Variants in C11orf65 observed in about 807,000 individuals in gnomAD.
The protein encoded by C11orf65 is protein MFI.
Under a neutral mutation model 35.3 loss-of-function variants are expected in C11orf65, and 38 were observed. The observed-to-expected ratio is 1.08, with a 90% confidence interval of 0.83 to 1.41. The LOEUF is 1.41. Ranked by LOEUF, C11orf65 falls within the 40% of genes most tolerant of loss-of-function variation. The pLI, the probability that C11orf65 is intolerant of heterozygous loss-of-function variation, is 0.00. For missense variants in C11orf65, 370 were observed against 367.1 expected, an observed-to-expected ratio of 1.01 and a Z score of -0.06; for synonymous variants, 105 against 114.4, an observed-to-expected ratio of 0.92 and a Z score of 0.53.
intron 7 of C11orf65, among the ~76,000 whole-genome samples, chr11:108,389,845 C>G (rs1385619790): frequency 6.6e-6 from 1 of 151,824 alleles, no homozygotes; most frequent in Non-Finnish European, 1.5e-5. Context: ...CAGGCACCCA[C>G]CACCACGCCC....
chr11:108,442,343 G>A (rs766868110), intron 2 of C11orf65, among the ~76,000 whole-genome samples: 2 of 152,182 alleles, frequency 1.3e-5, no homozygotes, highest in Non-Finnish European at 1.5e-5. Flanking sequence ...TGAAACTTAC[G>A]TCTGATTGGT....
chr11:108,349,449 G>A (rs1379180326), intron 2 of C11orf65, among the ~76,000 whole-genome samples: 5 of 152,130 alleles, frequency 3.3e-5, no homozygotes, highest in Non-Finnish European at 5.9e-5. Context: ...TGGATCACGA[G>A]GTCAGGAGAT....
rs1428396480 is a variant in C11orf65, at chr11:108,385,837, T to C, written c.787+83A>G. 9.7e-6 allele frequency: 11 copies of C among 1,130,366 alleles called. No homozygotes were observed. The Admixed American group carries it at 1.7e-4, about 17-fold the overall frequency. The allele number at this position is 1,130,366 out of a possible 1,614,324, so 70.0% of individuals were successfully genotyped here. ...TTATATACTATGCAGATTACTGAAA[T>C]GTTAAATGCCTAGAAATACGTGTGT... On this transcript the variant is annotated intron_variant, in intron 8 of 8. Coordinates refer to ENST00000393084, the MANE Select transcript of C11orf65 (RefSeq NM_152587.5).
chr11:108,368,609 ATCTGGGGT>A (rs2091451900), intron 2 of C11orf65: 1 of 218,384 alleles, frequency 4.6e-6, no homozygotes, highest in African/African-American at 2.2e-5. Flanking sequence ...GGCGAAAAGA[ATCTGGGGT>A]TTGCCAGTCA....
At chr11:108,320,591 A>C (rs910351202) in intron 6 of C11orf65, among the ~76,000 whole-genome samples, 1 of 152,228 alleles carries the variant, frequency 6.6e-6, no homozygotes, top group African/African-American at 2.4e-5. Context: ...TGTATTCTCT[A>C]ATCATGACAA....
chr11:108,341,503 T>C (rs1170303100), intron 2 of C11orf65, among the ~76,000 whole-genome samples: 1 of 152,174 alleles, frequency 6.6e-6, no homozygotes, highest in Non-Finnish European at 1.5e-5. Flanking sequence ...CCTAGCCCTG[T>C]GTGTAACATG....
At chr11:108,361,606 A>G (rs1038247859) in intron 2 of C11orf65, among the ~76,000 whole-genome samples, 1 of 151,848 alleles carries the variant, frequency 6.6e-6, no homozygotes, top group Non-Finnish European at 1.5e-5. Flanking sequence ...AGAGATATAG[A>G]TCAATGGAAC....
chr11:108,395,822 C>T (rs1354385199), intron 6 of C11orf65, among the ~76,000 whole-genome samples: 1 of 151,416 alleles, frequency 6.6e-6, no homozygotes, highest in East Asian at 2.0e-4. Context: ...GGGATTTCAC[C>T]GTGTGAGCCC....
chr11:108,381,939 TCTC>T (rs2091873588), downstream of C11orf65, among the ~76,000 whole-genome samples: 2 of 33,716 alleles, frequency 5.9e-5, no homozygotes, highest in Non-Finnish European at 1.6e-4. Context: ...CTCCTTGCTC[TCTC>T]TCTCTCTCTC....
chr11:108,367,623 C>T, intron 2 of C11orf65: 1 of 208,762 alleles, frequency 4.8e-6, no homozygotes, highest in Non-Finnish European at 9.8e-6. Flanking sequence ...CGTATTTGGA[C>T]CTTGAAGGTT....
intron 2 of C11orf65, among the ~76,000 whole-genome samples, chr11:108,453,270 G>C (rs2093374273): frequency 6.8e-6 from 1 of 147,816 alleles, no homozygotes; most frequent in South Asian, 2.2e-4. Flanking sequence ...AGTTAATAGA[G>C]AAGAAAATAA....
intron 5 of C11orf65, among the ~76,000 whole-genome samples, chr11:108,406,503 T>G (rs528518662): frequency 6.6e-6 from 1 of 152,294 alleles, no homozygotes; most frequent in East Asian, 1.9e-4. Flanking sequence ...GTATATAATC[T>G]GCTGAGTACC....
upstream of C11orf65, chr11:108,467,625 A>T (rs2093556655): frequency 6.6e-6 from 1 of 151,948 alleles, no homozygotes; most frequent in Admixed American, 6.6e-5. Flanking sequence ...AGTGCAGGGG[A>T]TATAGACCAA....
chr11:108,403,949 C>G (rs916958021), intron 6 of C11orf65, among the ~76,000 whole-genome samples: 6 of 152,176 alleles, frequency 3.9e-5, no homozygotes, highest in African/African-American at 1.4e-4. Context: ...TATTAAGATT[C>G]TTCTCTGTTG....
chr11:108,382,918 G>C lies in C11orf65; in HGVS notation c.*103C>G, dbSNP rs78172743. On this transcript the variant is annotated 3_prime_UTR_variant, in exon 9 of 9. Transcript: ENST00000393084. ...TTAACTGAGCTAGATTCTGTGCCCA[G>C]AATATATACACAAGTTATTCCAGTC... 1 of 1,563,162 alleles carries C rather than the reference G, an allele frequency of 6.4e-7. No individual in the cohort carries two copies. Among genetic ancestry groups the C allele is most frequent in the Non-Finnish European group, 8.6e-7 (1 of 1,165,220 alleles).
intron 2 of C11orf65, chr11:108,346,717 A>AGT (rs1250720010): frequency 6.4e-6 from 1 of 156,696 alleles, no homozygotes; most frequent in Non-Finnish European, 1.4e-5. Flanking sequence ...TTCCCTACCC[A>AGT]GTGTGTTTTT....
chr11:108,325,328 A>G lies in C11orf65; in HGVS notation c.641-16257T>C, dbSNP rs863224296. 2 of 1,608,948 alleles carry G rather than the reference A, an allele frequency of 1.2e-6. No individual in the cohort carries two copies. The highest frequency in any genetic ancestry group is 1.1e-5 in the South Asian group (1 of 90,934). ...CATTCAGATCAGTCACACATAGACA[A>G]CTCTCTGAAGTATATATTAAGTGGC... On this transcript the variant is annotated intron_variant, in intron 6 of 6. Transcript: ENST00000525729.
chr11:108,320,409 T>C lies in C11orf65; in HGVS notation c.641-11338A>G, dbSNP rs75756435. ...AACTCACGGTTAATACTTACAAACT[T>C]GTTTTGAGGCACAAATGTGATGAGG... On this transcript the variant is annotated intron_variant, in intron 6 of 6. Coordinates refer to the C11orf65 transcript ENST00000525729. Among the ~76,000 whole-genome samples the C allele has an allele frequency of 1.2e-3, 180 of 152,334 alleles. 2 individuals are homozygous for C. The East Asian group carries it at 0.032, about 27-fold the overall frequency.
intron 6 of C11orf65, among the ~76,000 whole-genome samples, chr11:108,395,349 T>G: frequency 6.6e-6 from 1 of 151,016 alleles, no homozygotes; most frequent in Non-Finnish European, 1.5e-5. Context: ...TTTTTTGAGA[T>G]GGAGTTGCTC....
Sources: allele counts gnomAD v4.1 joint callset (sites outside exome capture counted in the v4.1 genomes callset), GRCh38; gene constraint gnomAD v4.1.1; transcripts MANE v1.5; gene names NCBI Gene and HGNC (gene_info 2026-07-23, HGNC 2026-07-21).